Variants in ITIH5 observed in about 807,000 individuals in gnomAD.
The protein encoded by ITIH5 is inter-alpha-trypsin inhibitor heavy chain H5.
Under a neutral mutation model 77.5 loss-of-function variants are expected in ITIH5, and 65 were observed. The ratio of observed to expected loss-of-function variants is 0.84; its 90% CI spans 0.69 to 1.03. The LOEUF (loss-of-function observed/expected upper bound fraction) is 1.03. ITIH5 is among the 50% of genes least tolerant of loss of function. ITIH5 has a pLI of 0.00. For missense variants in ITIH5, 1,208 were observed against 1,213.1 expected, an observed-to-expected ratio of 1.00 and a Z score of 0.06; for synonymous variants, 525 against 494.3, an observed-to-expected ratio of 1.06 and a Z score of -0.82.
intron 4 of ITIH5, 152 bp downstream of exon 4, chr10:7,640,602 A>G (rs964648439): frequency 2.2e-5 from 13 of 602,810 alleles, no homozygotes; most frequent in Non-Finnish European, 2.9e-5. Flanking sequence ...CTTATCTACT[A>G]TATTATTCAC....
At position 7,610,330 on chromosome 10, in the gene ITIH5, C is replaced by G. The variant is rs150516436; in HGVS notation, c.939+5652G>C. On this transcript the variant is annotated intron_variant, in intron 7 of 13. Transcript: ENST00000397146. Reference sequence around the variant, plus strand: ...GATTAGGACAAGAACCAGAAAATGCCAGAGGCACACAGCTTTGGGGGCTCC... The same window carrying G: ...GATTAGGACAAGAACCAGAAAATGCGAGAGGCACACAGCTTTGGGGGCTCC... Among the ~76,000 whole-genome samples the G allele has an allele frequency of 6.9e-3, 1,044 of 152,286 alleles. 12 individuals are homozygous for G. The highest frequency in any genetic ancestry group is 0.024 in the African/African-American group (991 of 41,568).
chr10:7,572,221 C>T (rs1294465699), intron 11 of ITIH5: 3 of 1,269,722 alleles, frequency 2.4e-6, no homozygotes, highest in Non-Finnish European at 2.1e-6. Context: ...CTTGCACGTA[C>T]AGCACAGCAG....
intron 7 of ITIH5, among the ~76,000 whole-genome samples, chr10:7,604,247 G>A (rs1253354053): frequency 6.6e-6 from 1 of 152,174 alleles, no homozygotes; most frequent in Admixed American, 6.5e-5. Context: ...CTTCTATGTT[G>A]TCTTCCTGCA....
intron 5 of ITIH5, among the ~76,000 whole-genome samples, chr10:7,625,914 G>A (rs1261321435): frequency 3.9e-5 from 6 of 152,178 alleles, no homozygotes; most frequent in South Asian, 2.1e-4. Flanking sequence ...CATCTTAGAC[G>A]TCTGTAGATT....
chr10:7,587,467 G>C (rs1170474291), intron 7 of ITIH5, among the ~76,000 whole-genome samples: 1 of 152,224 alleles, frequency 6.6e-6, no homozygotes, highest in Non-Finnish European at 1.5e-5. Flanking sequence ...ACAGGCTTCA[G>C]AGCCAGCTGT....
intron 7 of ITIH5, among the ~76,000 whole-genome samples, chr10:7,606,026 G>A (rs1032084228): frequency 6.6e-6 from 1 of 152,204 alleles, no homozygotes; most frequent in Non-Finnish European, 1.5e-5. Flanking sequence ...ACTGACAAGT[G>A]TCTCTTTGTA....
Position 7,637,332 on chromosome 10 carries a change from C to T in ITIH5, c.548G>A (p.Gly183Glu). 6.2e-7 allele frequency: 1 copy of T among 1,614,120 alleles called. No homozygotes were observed. Among genetic ancestry groups the T allele is most frequent in the Non-Finnish European group, 8.5e-7 (1 of 1,180,044 alleles). The change falls in exon 5 of 14, where the codon GGG becomes GAG. Residue 183 changes from glycine (G) to glutamate (E), a missense_variant. By Grantham distance (98) the Gly-to-Glu change is moderately conservative. Coordinates refer to ENST00000397146, the MANE Select transcript of ITIH5 (RefSeq NM_030569.7). ...GATATTCACGTCCACGCTCAGCCTC[C>T]CGGACAGCTGCTGGGGCCGCACGCT... The part of the protein sequence containing the change: ...SISVRPQQLS[G>E]RLSVDVNILE...
intron 4 of ITIH5, among the ~76,000 whole-genome samples, chr10:7,638,446 G>A (rs184711556): frequency 7.5e-4 from 114 of 152,228 alleles, no homozygotes; most frequent in African/African-American, 4.3e-4. Context: ...CAGAGAAAAC[G>A]TAAAAGTGAT....
At chr10:7,654,989 A>G (rs1264937921) in intron 2 of ITIH5, among the ~76,000 whole-genome samples, 7 of 152,178 alleles carry the variant, frequency 4.6e-5, no homozygotes, top group Non-Finnish European at 1.0e-4. Flanking sequence ...CAAAATCTCA[A>G]TCCAAACAAA....
chr10:7,596,654 A>G (rs1397584560), intron 7 of ITIH5, among the ~76,000 whole-genome samples: 1 of 152,168 alleles, frequency 6.6e-6, no homozygotes, highest in African/African-American at 2.4e-5. Flanking sequence ...TCAGTCTAAA[A>G]TGTTCACCAG....
At chr10:7,637,522 G>A (rs763579102) in intron 4 of ITIH5, 44 bp from the exon 5 acceptor site, 32 of 1,589,932 alleles carry the variant, frequency 2.0e-5, no homozygotes, top group Non-Finnish European at 2.5e-5. Flanking sequence ...TTCGGAAGAG[G>A]ATAGAGCCAG....
At chr10:7,592,422 G>C (rs550953824) in intron 7 of ITIH5, among the ~76,000 whole-genome samples, 15 of 151,944 alleles carry the variant, frequency 9.9e-5, no homozygotes, top group African/African-American at 3.6e-4. Flanking sequence ...ATAAGACAGC[G>C]ACAGAGAAGA....
At chr10:7,626,622 T>C (rs527565045) in intron 5 of ITIH5, among the ~76,000 whole-genome samples, 1 of 152,304 alleles carries the variant, frequency 6.6e-6, no homozygotes, top group East Asian at 1.9e-4. Context: ...TGCAGCCCTT[T>C]AATAGGCAGA....
intron 7 of ITIH5, among the ~76,000 whole-genome samples, chr10:7,609,670 A>G (rs777033792): frequency 2.6e-5 from 4 of 152,222 alleles, no homozygotes; most frequent in East Asian, 1.9e-4. Flanking sequence ...AAATTTGTCA[A>G]CTAAATAAAA....
chr10:7,562,912 C>CCCCCA lies in ITIH5; in HGVS notation c.*170_*171insTGGGG. 3.4e-6 allele frequency: 2 copies of CCCCCA among 590,788 alleles called. No individual in the cohort carries two copies. The highest frequency in any genetic ancestry group is 3.0e-5 in the East Asian group (1 of 32,902). 36.6% of individuals were successfully genotyped at this position (590,788 alleles called of 1,614,324 possible). On this transcript the variant is annotated 3_prime_UTR_variant, in exon 14 of 14. Coordinates refer to ENST00000397146, the MANE Select transcript of ITIH5 (RefSeq NM_030569.7). ...TGCACTCAGGCTTCCCGCCCCTACC[C>CCCCCA]ACCCCTACCCTTCGCCCAGACAGAC...
intron 7 of ITIH5, chr10:7,600,513 A>G: frequency 2.2e-6 from 1 of 456,692 alleles, no homozygotes; most frequent in Non-Finnish European, 4.4e-6. Context: ...CTCCTCCTGG[A>G]TATTTGTCTT....
At position 7,576,615 on chromosome 10, in the gene ITIH5, G is replaced by C. The variant is rs75233092; in HGVS notation, c.1816C>G (p.Gln606Glu). The C allele has an allele frequency of 3.1e-6, 5 of 1,613,976 alleles. No individual in the cohort carries two copies. The African/African-American group carries it at 5.3e-5, about 17-fold the overall frequency. ...PEKERLRQRA[Q>E]ALAVSYRFLT... ...AAGCGGTAGCTCACAGCCAGGGCCT[G>C]GGCCCGCTGCCGCAGCCGCTCCTTC... is the stretch of plus-strand genomic sequence containing the variant. The change falls in exon 10 of 14, where the codon CAG becomes GAG. Residue 606 changes from glutamine to glutamate, a missense_variant. Transcript: ENST00000397146.
intron 5 of ITIH5, chr10:7,619,296 GGT>G (rs1833430371): frequency 6.6e-6 from 1 of 152,592 alleles, no homozygotes; most frequent in African/African-American, 2.4e-5. Context: ...GCACGATCAT[GGT>G]CAGAAACCTG....
intron 2 of ITIH5, among the ~76,000 whole-genome samples, chr10:7,644,653 CACAT>C (rs1833960991): frequency 7.7e-6 from 1 of 129,324 alleles, no homozygotes; most frequent in African/African-American, 3.0e-5. Context: ...TCATATATAT[CACAT>C]ATATATCATA....
Sources: allele counts gnomAD v4.1 joint callset (sites outside exome capture counted in the v4.1 genomes callset), GRCh38; gene constraint gnomAD v4.1.1; transcripts MANE v1.5; gene names NCBI Gene and HGNC (gene_info 2026-07-23, HGNC 2026-07-21).